DOCK1: variants seen among roughly 807,000 people sequenced by gnomAD.
DOCK1 encodes dedicator of cytokinesis protein 1.
DOCK1 carries 138 observed loss-of-function variants against 262.7 expected under a neutral mutation model. The observed-to-expected ratio is 0.53, with a 90% CI of 0.46 to 0.61. The LOEUF is 0.61. Among genes scored for constraint, DOCK1 ranks in the 20% least tolerant of loss-of-function variants. The probability of loss-of-function intolerance (pLI) is 0.00; values close to 1 mark genes in which losing one functional copy is unlikely to be tolerated. For missense variants in DOCK1, 1,908 were observed against 2,370.7 expected, an observed-to-expected ratio of 0.80 and a Z score of 4.05; for synonymous variants, 866 against 867.4, an observed-to-expected ratio of 1.00 and a Z score of 0.03.
Position 126,987,560 on chromosome 10 carries a change from C to G in DOCK1, c.267C>G (p.Ile89Met), listed in dbSNP as rs763584443. ...TCATCCCGGGTGACCTCCCCCTCAT[C>G]CAGGAAGTCACCACGACACTCCGAG... The part of the protein sequence containing the change: ...ETVIPGDLPL[I>M]QEVTTTLREW... The change falls in exon 5 of 52, where the codon ATC (isoleucine) becomes ATG (methionine). Residue 89 changes from isoleucine to methionine, a missense_variant. Coordinates refer to ENST00000623213, the MANE Select transcript of DOCK1 (RefSeq NM_001290223.2). The G allele has an allele frequency of 6.3e-7, 1 of 1,581,062 alleles. No homozygotes were observed. Among genetic ancestry groups the G allele is most frequent in the Non-Finnish European group, 8.6e-7 (1 of 1,163,270 alleles).
At chr10:127,021,114 T>A (rs1026092625) in intron 13 of DOCK1, among the ~76,000 whole-genome samples, 1 of 152,142 alleles carries the variant, frequency 6.6e-6, no homozygotes, top group Non-Finnish European at 1.5e-5. Flanking sequence ...GGGGTTTGCT[T>A]ACTGTAAATG....
rs1226664635 is a variant in DOCK1 at position 127,158,340 on chromosome 10, C to G, written c.2847+30576C>G. On this transcript the variant is annotated intron_variant, in intron 27 of 51. Transcript: ENST00000623213. ...CTCCAGTGACAGTAGGGCTGGAGATCTTTTGTAGATTAGAAGTTTAGAGAG... is the reference window on the plus strand; with the variant it reads ...CTCCAGTGACAGTAGGGCTGGAGATGTTTTGTAGATTAGAAGTTTAGAGAG... Among the ~76,000 whole-genome samples the G allele has an allele frequency of 3.3e-5, 5 of 152,276 alleles. No individual in the cohort carries two copies. In the East Asian group the frequency reaches 9.6e-4, roughly 29 times the overall value.
intron 25 of DOCK1, among the ~76,000 whole-genome samples, chr10:127,113,163 GGTT>G (rs1013062629): frequency 6.6e-5 from 10 of 152,090 alleles, no homozygotes; most frequent in African/African-American, 2.4e-4. Context: ...GTACAAATGT[GGTT>G]GTTTTTGTCC....
chr10:127,445,486 G>A (rs1272981830), intron 50 of DOCK1, among the ~76,000 whole-genome samples: 4 of 152,206 alleles, frequency 2.6e-5, no homozygotes, highest in Non-Finnish European at 5.9e-5. Context: ...TTTGGAGGGT[G>A]CATCTTCACA....
Position 127,319,282 on chromosome 10 carries a change from G to A in DOCK1, c.3045-19724G>A, listed in dbSNP as rs567924305. Among the ~76,000 whole-genome samples the A allele has an allele frequency of 2.6e-5, 4 of 152,288 alleles. No homozygotes were observed. The South Asian group carries it at 6.2e-4, about 24-fold the overall frequency. On this transcript the variant is annotated intron_variant, in intron 29 of 51. Coordinates refer to ENST00000623213, the MANE Select transcript of DOCK1 (RefSeq NM_001290223.2). ...GATTTATTGTGTTGAAATAATTTCC[G>A]TAGCAGGGGAACTAATTGGATTGTG...
rs867352405 is a variant in DOCK1 at position 127,447,640 on chromosome 10, C to T, written c.5565+95C>T. The T allele has an allele frequency of 2.7e-5, 40 of 1,503,978 alleles. 1 individual carries two copies. In the Middle Eastern group the frequency reaches 3.5e-3, roughly 132 times the overall value. The allele number at this position is 1,503,978 out of a possible 1,614,324, so 93.2% of individuals were successfully genotyped here. A position where few individuals can be genotyped will look rare whatever the true frequency, so the allele number is the denominator to read the frequency against. ...CAGATACTAGCAGGTTTACTTCGGG[C>T]TAGTGAGCACATGAGGAAAACCATG... On this transcript the variant is annotated intron_variant, in intron 51 of 51. Transcript: ENST00000623213.
At chr10:127,002,025 T>C (rs994256896) in intron 10 of DOCK1, among the ~76,000 whole-genome samples, 3 of 152,230 alleles carry the variant, frequency 2.0e-5, no homozygotes, top group African/African-American at 7.2e-5. Flanking sequence ...AACATTTTCA[T>C]GTCATGACTT....
Position 127,451,412 on chromosome 10 carries a change from C to T in DOCK1, c.5646C>T (p.Ser1882=), listed in dbSNP as rs2229604. 0.49 allele frequency: 775,786 copies of T among 1,583,000 alleles called. 192,990 individuals are homozygous for T. Among genetic ancestry groups the T allele is most frequent in the Middle Eastern group, 0.55 (3,319 of 6,020 alleles). Residue 1882 remains serine, a synonymous_variant, in exon 52 of 52, where the codon TCC becomes TCT. Transcript: ENST00000623213. ...KTTRKQASVD[S]GIVQ is the part of the protein sequence containing the mutation. ...CTCGCAAGCAGGCATCGGTGGACTC[C>T]GGGATCGTGCAGTGACGTCGCAAGC...
intron 51 of DOCK1, among the ~76,000 whole-genome samples, chr10:127,448,545 C>T (rs1035673845): frequency 6.6e-6 from 1 of 152,134 alleles, no homozygotes; most frequent in Non-Finnish European, 1.5e-5. Context: ...TGGAGGCGGG[C>T]GAGCGATTGA....
At chr10:127,418,583 CGG>C (rs759672391) in intron 45 of DOCK1, 42 bp downstream of exon 45, 1 of 1,564,984 alleles carries the variant, frequency 6.4e-7, no homozygotes, top group African/African-American at 1.4e-5. Context: ...CAGTCCTGCC[CGG>C]GGACAGACTG....
chr10:127,328,446 G>A (rs1284396346), intron 29 of DOCK1, among the ~76,000 whole-genome samples: 1 of 152,176 alleles, frequency 6.6e-6, no homozygotes, highest in Non-Finnish European at 1.5e-5. Flanking sequence ...TGGATGCTGT[G>A]GGGAATAAAG....
At chr10:127,013,783 C>T (rs929934343) in intron 12 of DOCK1, 1 of 152,224 alleles carries the variant, frequency 6.6e-6, no homozygotes, top group Non-Finnish European at 1.5e-5. Flanking sequence ...ATCAGAATGG[C>T]CTTAGGCAAC....
In DOCK1 at chr10:127,209,908, C is replaced by T. The variant is rs1564905639; in HGVS notation, c.2848-38100C>T. Among the ~76,000 whole-genome samples, 3 of 152,150 alleles carry T rather than the reference C, an allele frequency of 2.0e-5. No individual in the cohort carries two copies. In the East Asian group the frequency reaches 5.8e-4, roughly 29 times the overall value. Reference sequence around the variant, plus strand: ...GCAGAGACATTCCGTTGAGAGCCTACTTAATAAACCTCATTTTAATTTTAT... The same window carrying T: ...GCAGAGACATTCCGTTGAGAGCCTATTTAATAAACCTCATTTTAATTTTAT... On this transcript the variant is annotated intron_variant, in intron 27 of 51. Transcript: ENST00000623213.
intron 48 of DOCK1, among the ~76,000 whole-genome samples, chr10:127,438,339 T>A (rs1415834485): frequency 6.6e-6 from 1 of 152,228 alleles, no homozygotes; most frequent in Non-Finnish European, 1.5e-5. Flanking sequence ...CACGAATGTG[T>A]CTTTACAGCA....
chr10:126,909,889 A>G (rs1421385348), intron 1 of DOCK1, among the ~76,000 whole-genome samples: 1 of 152,234 alleles, frequency 6.6e-6, no homozygotes, highest in African/African-American at 2.4e-5. Flanking sequence ...GTTGCTGGAA[A>G]AATGCCTTTC....
chr10:127,409,818 G>A (rs1176422158), intron 42 of DOCK1, among the ~76,000 whole-genome samples: 3 of 152,170 alleles, frequency 2.0e-5, no homozygotes, highest in Non-Finnish European at 4.4e-5. Flanking sequence ...AATGGGATTT[G>A]CACATTTGCT....
intron 1 of DOCK1, among the ~76,000 whole-genome samples, chr10:126,944,937 C>T (rs2134283338): frequency 6.6e-6 from 1 of 152,274 alleles, no homozygotes; most frequent in East Asian, 1.9e-4. Flanking sequence ...CTCCCGGGTT[C>T]AAACGATTCT....
rs372642343 is a variant in DOCK1 at position 127,396,754 on chromosome 10, C to CAAA, written c.3928-6284_3928-6282dup. ...AAGAAAAAATGTCATATCTCTGTTA[C>CAAA]AAAAAAAAAAAAAAAAAAATCTTCA... is the stretch of plus-strand genomic sequence containing the variant. On this transcript the variant is annotated intron_variant, in intron 38 of 51. Transcript: ENST00000623213. Among the ~76,000 whole-genome samples the CAAA allele has an allele frequency of 6.1e-3, 817 of 134,122 alleles. 9 individuals are homozygous for CAAA. The highest frequency in any genetic ancestry group is 0.016 in the African/African-American group (585 of 35,642). The allele number at this position is 134,122 out of a possible 152,430, so 88.0% of individuals were successfully genotyped here. A position where few individuals can be genotyped will look rare whatever the true frequency, so the allele number is the denominator to read the frequency against.
rs1420518764 is a variant in DOCK1, at chr10:127,452,491, G to A, written c.*1064G>A. 1.3e-5 allele frequency: 2 copies of A among 152,430 alleles called. No individual in the cohort carries two copies. The highest frequency in any genetic ancestry group is 2.9e-5 in the Non-Finnish European group (2 of 68,008). The allele number at this position is 152,430 out of a possible 1,614,324, so 9.4% of individuals were successfully genotyped here. A position where few individuals can be genotyped will look rare whatever the true frequency, so the allele number is the denominator to read the frequency against. On this transcript the variant is annotated 3_prime_UTR_variant, in exon 52 of 52. Coordinates refer to ENST00000623213, the MANE Select transcript of DOCK1 (RefSeq NM_001290223.2). ...GACTTAAAAGTTAATCATTGACAAC[G>A]AAAAATAAAATGTTATTTTAAAAGA... is the stretch of plus-strand genomic sequence containing the variant.
Sources: allele counts gnomAD v4.1 joint callset (sites outside exome capture counted in the v4.1 genomes callset), GRCh38; gene constraint gnomAD v4.1.1; transcripts MANE v1.5; gene names NCBI Gene and HGNC (gene_info 2026-07-23, HGNC 2026-07-21).